RBFOX1: variants seen among roughly 807,000 people sequenced by gnomAD.
RBFOX1 encodes RNA binding fox-1 homolog 1, also known as RNA binding protein fox-1 homolog 1.
In RBFOX1, 8 loss-of-function variants were observed where a neutral mutation model predicts 57.7. The observed-to-expected ratio is 0.14, with a 90% CI of 0.08 to 0.25. RBFOX1 has a LOEUF of 0.25. RBFOX1 is among the 10% of genes least tolerant of loss of function. The pLI is 1.00. For missense variants in RBFOX1, 611 were observed against 548.5 expected (o/e 1.11, Z -1.14); for synonymous variants, 326 against 222.4 (o/e 1.47, Z -4.15).
chr16:7,345,020 G>C (rs2096968053), intron 4 of RBFOX1, among the ~76,000 whole-genome samples: 1 of 151,256 alleles, frequency 6.6e-6, no homozygotes, highest in Admixed American at 6.6e-5. Flanking sequence ...ATCAAACCTG[G>C]AGGTTGTGTG....
chr16:7,132,830 C>G (rs576974611), intron 4 of RBFOX1, among the ~76,000 whole-genome samples: 32 of 152,070 alleles, frequency 2.1e-4, no homozygotes, highest in Non-Finnish European at 4.1e-4. Flanking sequence ...AAAGATACAT[C>G]TTTCAGTAAC....
At chr16:7,024,560 A>G (rs1372301082) in intron 3 of RBFOX1, among the ~76,000 whole-genome samples, 1 of 152,178 alleles carries the variant, frequency 6.6e-6, no homozygotes, top group African/African-American at 2.4e-5. Context: ...CTCATTGTGT[A>G]AACACTGGGG....
At chr16:5,719,777 G>C (rs1193050982) in intron 3 of RBFOX1, among the ~76,000 whole-genome samples, 1 of 152,110 alleles carries the variant, frequency 6.6e-6, no homozygotes, top group African/African-American at 2.4e-5. Flanking sequence ...CCATTGTATG[G>C]ATAGACCCCA....
chr16:6,061,195 A>T (rs887789128), intron 1 of RBFOX1, among the ~76,000 whole-genome samples: 5 of 152,172 alleles, frequency 3.3e-5, no homozygotes, highest in Non-Finnish European at 7.3e-5. Flanking sequence ...GGTGGATTCT[A>T]TGAGAAGGAC....
chr16:7,691,191 A>C (rs188529829), intron 14 of RBFOX1, among the ~76,000 whole-genome samples: 1 of 143,820 alleles, frequency 7.0e-6, no homozygotes, highest in African/African-American at 2.5e-5. Context: ...TTTAAATGTC[A>C]CTATTATTGA....
intron 3 of RBFOX1, among the ~76,000 whole-genome samples, chr16:6,799,062 A>G (rs145531699): frequency 4.0e-4 from 61 of 152,166 alleles, no homozygotes; most frequent in African/African-American, 1.3e-3. Flanking sequence ...TATATTTGGT[A>G]GCTTATAATC....
At chr16:7,433,804 A>G (rs551021591) in intron 4 of RBFOX1, among the ~76,000 whole-genome samples, 1 of 152,128 alleles carries the variant, frequency 6.6e-6, no homozygotes, top group Non-Finnish European at 1.5e-5. Flanking sequence ...ACAGCTAGCC[A>G]GCCAGCCTTT....
At chr16:6,173,879 TTTTG>T (rs957787669) in intron 1 of RBFOX1, among the ~76,000 whole-genome samples, 45 of 151,224 alleles carry the variant, frequency 3.0e-4, no homozygotes, top group African/African-American at 7.6e-4. Context: ...CAAAGTGCTG[TTTTG>T]TTTGTTTGTT....
chr16:7,592,550 C>G (rs1411425204), intron 7 of RBFOX1, among the ~76,000 whole-genome samples: 1 of 152,168 alleles, frequency 6.6e-6, no homozygotes, highest in Non-Finnish European at 1.5e-5. Context: ...ACCTGGCCCT[C>G]CAGCTATACC....
intron 4 of RBFOX1, among the ~76,000 whole-genome samples, chr16:7,264,486 G>T (rs2095052803): frequency 1.3e-5 from 2 of 152,098 alleles, no homozygotes; most frequent in South Asian, 2.1e-4. Context: ...TTTCTGTAAG[G>T]GCCAAAAGCT....
At chr16:7,695,528 C>T (rs979191798) in intron 14 of RBFOX1, among the ~76,000 whole-genome samples, 7 of 151,928 alleles carry the variant, frequency 4.6e-5, no homozygotes, top group East Asian at 3.9e-4. Context: ...TGGCACATGC[C>T]TGTAATCCCA....
At chr16:7,105,564 T>A (rs1472205998) in intron 4 of RBFOX1, among the ~76,000 whole-genome samples, 2 of 152,026 alleles carry the variant, frequency 1.3e-5, no homozygotes, top group African/African-American at 4.8e-5. Context: ...CACTTACGAG[T>A]GAGAACATAC....
At chr16:6,933,730 A>C (rs1257273912) in intron 3 of RBFOX1, among the ~76,000 whole-genome samples, 1 of 152,188 alleles carries the variant, frequency 6.6e-6, no homozygotes, top group Non-Finnish European at 1.5e-5. Flanking sequence ...AACAAAAACA[A>C]ATTGGAAGAA....
intron 3 of RBFOX1, among the ~76,000 whole-genome samples, chr16:5,669,902 G>A (rs770919546): frequency 8.5e-5 from 13 of 152,322 alleles, no homozygotes; most frequent in South Asian, 4.1e-4. Context: ...TAGCAACATT[G>A]TTCACAATAT....
chr16:6,383,967 C>G (rs1176439443), intron 2 of RBFOX1, among the ~76,000 whole-genome samples: 1 of 151,830 alleles, frequency 6.6e-6, no homozygotes, highest in African/African-American at 2.4e-5. Flanking sequence ...AACAATTTCT[C>G]CTTCTCTGCA....
At chr16:7,392,942 C>T (rs1452002866) in intron 4 of RBFOX1, among the ~76,000 whole-genome samples, 2 of 152,006 alleles carry the variant, frequency 1.3e-5, no homozygotes, top group African/African-American at 2.4e-5. Flanking sequence ...GGCATGATCT[C>T]GGCTCACTGC....
At chr16:6,701,527 C>G (rs991243856) in intron 3 of RBFOX1, among the ~76,000 whole-genome samples, 4 of 152,162 alleles carry the variant, frequency 2.6e-5, no homozygotes, top group Admixed American at 1.3e-4. Context: ...TGCTCAGCTT[C>G]TGGTGAGGCC....
chr16:5,798,034 G>C (rs1027981744), intron 3 of RBFOX1, among the ~76,000 whole-genome samples: 1 of 152,204 alleles, frequency 6.6e-6, no homozygotes, highest in Non-Finnish European at 1.5e-5. Context: ...AAAGCAGACA[G>C]CCTGAGTTTG....
intron 3 of RBFOX1, among the ~76,000 whole-genome samples, chr16:6,679,545 C>T (rs557233631): frequency 6.6e-6 from 1 of 152,246 alleles, no homozygotes; most frequent in East Asian, 1.9e-4. Flanking sequence ...GAAACATGTA[C>T]AGTCATACCC....
Sources: gnomAD v4.1 joint callset for allele counts (sites outside exome capture counted in the v4.1 genomes callset) on GRCh38, gnomAD v4.1.1 for gene constraint, MANE v1.5 for transcripts, NCBI Gene and HGNC (gene_info 2026-07-23, HGNC 2026-07-21) for gene names.